Variants in SNAPC3 observed in about 807,000 individuals in gnomAD.
The protein encoded by SNAPC3 is snRNA-activating protein complex subunit 3.
SNAPC3 carries 56 observed loss-of-function variants against 47.7 expected under a neutral mutation model. That is an observed-to-expected ratio of 1.18 (90% CI 0.95 to 1.47). The LOEUF is 1.47. SNAPC3 is among the 40% of genes most tolerant of loss of function. The pLI, the probability that SNAPC3 is intolerant of heterozygous loss-of-function variation, is 0.00. For missense variants in SNAPC3, 665 were observed against 511.3 expected, an observed-to-expected ratio of 1.30 and a Z score of -2.90; for synonymous variants, 235 against 189.9, an observed-to-expected ratio of 1.24 and a Z score of -1.95.
downstream of SNAPC3, chr9:15,464,793 C>G (rs1413030229): frequency 4.8e-6 from 1 of 206,260 alleles, no homozygotes; most frequent in African/African-American, 2.3e-5. Flanking sequence ...CTATATATAC[C>G]CAGTCAGTTG....
chr9:15,448,534 C>G (rs1437783587), intron 5 of SNAPC3, among the ~76,000 whole-genome samples: 3 of 152,136 alleles, frequency 2.0e-5, no homozygotes, highest in Non-Finnish European at 4.4e-5. Flanking sequence ...GGCACCTTTT[C>G]TTTTGTCCAT....
chr9:15,434,939 C>T (rs1222945992), intron 3 of SNAPC3, among the ~76,000 whole-genome samples: 1 of 152,050 alleles, frequency 6.6e-6, no homozygotes. Context: ...ATTTATTTTG[C>T]GTCTGCCCCT....
At chr9:15,449,225 A>C (rs1295313694) in intron 5 of SNAPC3, among the ~76,000 whole-genome samples, 1 of 152,156 alleles carries the variant, frequency 6.6e-6, no homozygotes, top group Non-Finnish European at 1.5e-5. Flanking sequence ...GAAAAATCTG[A>C]ATTTACCCTC....
At chr9:15,464,705 C>T (rs369168391), downstream of SNAPC3, 1 of 199,540 alleles carries the variant, frequency 5.0e-6, no homozygotes. Context: ...AATAAACTTA[C>T]TTAGTTTTCA....
At chr9:15,451,538 C>A in intron 6 of SNAPC3, 136 bp downstream of exon 6, 1 of 445,482 alleles carries the variant, frequency 2.2e-6, no homozygotes, top group Non-Finnish European at 4.0e-6. Flanking sequence ...TTTTGCATTA[C>A]ATACATCCAA....
downstream of SNAPC3, chr9:15,465,091 CA>C (rs1340390745): frequency 5.7e-5 from 13 of 228,760 alleles, no homozygotes; most frequent in East Asian, 8.3e-4. Flanking sequence ...ACAAAACCCA[CA>C]AACAGTGAAA....
chr9:15,452,344 G>A (rs1193421493), intron 6 of SNAPC3, among the ~76,000 whole-genome samples: 25 of 135,820 alleles, frequency 1.8e-4, no homozygotes, highest in Non-Finnish European at 3.9e-4. Context: ...TTTTGAGACA[G>A]TTTCGCTCTT....
rs147793970 is a variant in SNAPC3, at chr9:15,425,320, C to T, written c.392+1334C>T. Among the ~76,000 whole-genome samples the T allele has an allele frequency of 2.3e-4, 35 of 152,194 alleles. 2 individuals carry two copies. In the East Asian group the frequency reaches 4.1e-3, roughly 18 times the overall value. ...TGCAACTTCTGCCTCCGGGTTCAAG[C>T]GATTCTCCTGCCTCAGCCTCCGGAG... On this transcript the variant is annotated intron_variant, in intron 2 of 8. Coordinates refer to ENST00000380821, the MANE Select transcript of SNAPC3 (RefSeq NM_001039697.2).
chr9:15,424,214 G>A (rs1200500497), intron 2 of SNAPC3, among the ~76,000 whole-genome samples: 6 of 152,004 alleles, frequency 3.9e-5, no homozygotes, highest in South Asian at 2.1e-4. Flanking sequence ...TAATTTACCC[G>A]TAAATACATA....
At chr9:15,462,481 G>C (rs1249797676), downstream of SNAPC3, 1 of 152,018 alleles carries the variant, frequency 6.6e-6, no homozygotes, top group East Asian at 1.9e-4. Flanking sequence ...CTTTTTTCGA[G>C]GCAGCTTTTC....
chr9:15,455,442 C>A (rs1364362481), intron 7 of SNAPC3, among the ~76,000 whole-genome samples: 1 of 152,122 alleles, frequency 6.6e-6, no homozygotes, highest in Non-Finnish European at 1.5e-5. Context: ...TGATGGGCGT[C>A]TGTAGTCCCA....
At position 15,460,816 on chromosome 9, in the gene SNAPC3, A is replaced by T. The variant is rs1054792794; in HGVS notation, c.*950A>T. The T allele has an allele frequency of 2.0e-5, 3 of 152,268 alleles. No individual in the cohort carries two copies. The highest frequency in any genetic ancestry group is 4.4e-5 in the Non-Finnish European group (3 of 68,050). 9.4% of individuals were successfully genotyped at this position (152,268 alleles called of 1,614,324 possible). On this transcript the variant is annotated 3_prime_UTR_variant, in exon 9 of 9. Transcript: ENST00000380821. ...ATGAATTTAAAAAGATCTTGAGTAT[A>T]TACTCATAACTCCAGAAATAACATT... is the stretch of plus-strand genomic sequence containing the variant.
At chr9:15,444,556 T>C (rs568393939) in intron 3 of SNAPC3, 46 bp from the exon 4 acceptor site, 3 of 1,232,328 alleles carry the variant, frequency 2.4e-6, no homozygotes, top group South Asian at 2.5e-5. Flanking sequence ...CTGCATCTTA[T>C]CTGAGTTATA....
chr9:15,466,512 TTTC>T (rs2035637340), downstream of SNAPC3, among the ~76,000 whole-genome samples: 1 of 152,234 alleles, frequency 6.6e-6, no homozygotes, highest in South Asian at 2.1e-4. Flanking sequence ...GAGCAAATAT[TTTC>T]TTTTTAACTG....
At chr9:15,449,563 A>ATATATATAT (rs1481688749) in intron 5 of SNAPC3, among the ~76,000 whole-genome samples, 2 of 39,524 alleles carry the variant, frequency 5.1e-5, no homozygotes, top group African/African-American at 2.1e-4. Flanking sequence ...ATATATATAT[A>ATATATATAT]TTTTTTTTTT....
At chr9:15,430,240 C>T (rs4741500) in intron 2 of SNAPC3, among the ~76,000 whole-genome samples, 3 of 152,126 alleles carry the variant, frequency 2.0e-5, no homozygotes, top group African/African-American at 7.2e-5. Context: ...AGAACAGCCT[C>T]GGCAAGATAG....
At chr9:15,455,767 C>G (rs924684851) in intron 7 of SNAPC3, among the ~76,000 whole-genome samples, 1 of 151,622 alleles carries the variant, frequency 6.6e-6, no homozygotes. Context: ...GGCATGATCT[C>G]AGCTCACCGC....
chr9:15,439,313 T>C (rs1395511675), intron 3 of SNAPC3, among the ~76,000 whole-genome samples: 1 of 152,226 alleles, frequency 6.6e-6, no homozygotes, highest in Non-Finnish European at 1.5e-5. Flanking sequence ...TATATAAGTT[T>C]ATAATTGTAT....
downstream of SNAPC3, among the ~76,000 whole-genome samples, chr9:15,466,582 G>A (rs2035642358): frequency 6.6e-6 from 1 of 152,146 alleles, no homozygotes; most frequent in Admixed American, 6.5e-5. Context: ...GTCAATAAAA[G>A]GTTTTTACTC....
Sources: gnomAD v4.1 joint callset for allele counts (sites outside exome capture counted in the v4.1 genomes callset) on GRCh38, gnomAD v4.1.1 for gene constraint, MANE v1.5 for transcripts, NCBI Gene and HGNC (gene_info 2026-07-23, HGNC 2026-07-21) for gene names.